The following BCO1 variants were observed in gnomAD, a reference collection of about 807,000 sequenced individuals.
BCO1 encodes the protein beta-carotene oxygenase 1.
BCO1 carries 54 observed loss-of-function variants against 56.3 expected under a neutral mutation model. The observed-to-expected ratio is 0.96, with a 90% CI of 0.77 to 1.20. The LOEUF is 1.20. BCO1 is among the 50% of genes most tolerant of loss of function. The probability of loss-of-function intolerance (pLI) is 0.00; values close to 1 mark genes in which losing one functional copy is unlikely to be tolerated. For synonymous variants in BCO1, 318 were observed against 266.1 expected (o/e 1.20, Z -1.90); for missense variants, 801 against 690.9 (o/e 1.16, Z -1.79).
At chr16:81,249,535 T>C (rs995230318) in intron 2 of BCO1, among the ~76,000 whole-genome samples, 10 of 151,854 alleles carry the variant, frequency 6.6e-5, no homozygotes, top group Non-Finnish European at 1.0e-4. Flanking sequence ...GGATTACAGG[T>C]GTGAGCCACT....
intron 7 of BCO1, among the ~76,000 whole-genome samples, chr16:81,274,018 C>A (rs2150630249): frequency 6.6e-6 from 1 of 152,302 alleles, no homozygotes. Context: ...GGCGCCTGCA[C>A]CCCTTGCTCC....
At chr16:81,244,602 A>C (rs1313459029) in intron 1 of BCO1, among the ~76,000 whole-genome samples, 1 of 151,646 alleles carries the variant, frequency 6.6e-6, no homozygotes, top group Admixed American at 6.6e-5. Context: ...CTCCCTCAAG[A>C]CTTAGCCAGG....
intron 4 of BCO1, 87 bp downstream of exon 4, chr16:81,262,370 A>C (rs1906542907): frequency 6.8e-7 from 1 of 1,464,812 alleles, no homozygotes; most frequent in Non-Finnish European, 9.5e-7. Flanking sequence ...TCAGCCTGCA[A>C]GCAGCTTACC....
chr16:81,256,204 T>G (rs1906127541), intron 2 of BCO1, among the ~76,000 whole-genome samples: 1 of 150,934 alleles, frequency 6.6e-6, no homozygotes. Context: ...ATAACACACA[T>G]CAAGTGCCCA....
At chr16:81,255,310 G>T (rs1236679945) in intron 2 of BCO1, among the ~76,000 whole-genome samples, 2 of 152,152 alleles carry the variant, frequency 1.3e-5, no homozygotes, top group Non-Finnish European at 2.9e-5. Flanking sequence ...CCACTCGCTA[G>T]CTGTGTGGCT....
chr16:81,279,361 A>G (rs7194812), intron 7 of BCO1, among the ~76,000 whole-genome samples: 40,731 of 152,088 alleles, frequency 0.27, 5,881 homozygotes, highest in Middle Eastern at 0.39. Context: ...ATAATGTTCC[A>G]TCCTCTTGTT....
At chr16:81,268,169 C>G (rs772698253) in intron 6 of BCO1, 38 bp downstream of exon 6, 1 of 1,573,692 alleles carries the variant, frequency 6.4e-7, no homozygotes, top group Non-Finnish European at 8.7e-7. Flanking sequence ...TGGGTGCTGG[C>G]TGACCATGGA....
chr16:81,272,984 GT>G (rs1213512882), intron 7 of BCO1, among the ~76,000 whole-genome samples: 1 of 151,000 alleles, frequency 6.6e-6, no homozygotes, highest in Non-Finnish European at 1.5e-5. Flanking sequence ...TTTTCTTTTT[GT>G]GGGGGATGGA....
rs1029390527 is a variant in BCO1, at chr16:81,268,022, A to C, written c.734A>C (p.Tyr245Ser). 6.2e-7 allele frequency: 1 copy of C among 1,613,794 alleles called. No individual in the cohort carries two copies. The highest frequency in any genetic ancestry group is 1.3e-5 in the African/African-American group (1 of 74,968). ...CACAGCTTTGGAGTCACCGAGAACT[A>C]TGTCATCTTCCTTGAGCAGCCTTTC... ...YYHSFGVTEN[Y>S]VIFLEQPFRL... The change falls in exon 6 of 11, where the codon TAT becomes TCT. Residue 245 changes from tyrosine (Y) to serine (S), a missense_variant. Tyr to Ser is a moderately radical substitution (Grantham distance 144, BLOSUM62 -2). Transcript: ENST00000258168.
intron 7 of BCO1, among the ~76,000 whole-genome samples, chr16:81,279,240 C>T (rs1907727560): frequency 6.6e-6 from 1 of 152,188 alleles, no homozygotes. Flanking sequence ...CATCACACTA[C>T]TGTACTCCAG....
chr16:81,290,441 C>CCT lies in BCO1; in HGVS notation c.1511_1512dup (p.Val505LeufsTer43). The CCT allele has an allele frequency of 1.9e-6, 3 of 1,614,168 alleles. No individual in the cohort carries two copies. The highest frequency in any genetic ancestry group is 2.5e-6 in the Non-Finnish European group (3 of 1,180,030). ...AAAAGCTTTACGGAATTGGCCCGTG[C>CCT]CTCTGTTGATGTCGATATGCACATG... On this transcript the variant is annotated frameshift_variant, in exon 11 of 11. Coordinates refer to ENST00000258168, the MANE Select transcript of BCO1 (RefSeq NM_017429.3). LOFTEE classifies it low-confidence loss of function (END_TRUNC).
At chr16:81,267,197 G>A (rs1172430072) in intron 5 of BCO1, among the ~76,000 whole-genome samples, 2 of 152,166 alleles carry the variant, frequency 1.3e-5, no homozygotes, top group South Asian at 2.1e-4. Context: ...GAAGGGGGCT[G>A]TGTTTTCTTG....
At chr16:81,245,650 C>T (rs1905361828) in intron 2 of BCO1, 47 bp downstream of exon 2, 1 of 1,612,438 alleles carries the variant, frequency 6.2e-7, no homozygotes, top group Non-Finnish European at 8.5e-7. Flanking sequence ...CAAAGGACCC[C>T]AAATGCAGTG....
chr16:81,259,421 GA>G (rs1906341958), intron 2 of BCO1, among the ~76,000 whole-genome samples: 1 of 152,076 alleles, frequency 6.6e-6, no homozygotes, highest in Non-Finnish European at 1.5e-5. Flanking sequence ...TTGAACCCAG[GA>G]GGCGGAGGTT....
chr16:81,284,798 C>A (rs907976505), intron 8 of BCO1, among the ~76,000 whole-genome samples: 2 of 148,470 alleles, frequency 1.3e-5, no homozygotes, highest in Non-Finnish European at 3.0e-5. Flanking sequence ...CTTCCTATTT[C>A]TTTTCTTTTT....
intron 7 of BCO1, among the ~76,000 whole-genome samples, chr16:81,272,342 C>T (rs904027748): frequency 8.6e-5 from 13 of 150,732 alleles, no homozygotes; most frequent in South Asian, 2.1e-4. Flanking sequence ...ATGGTCTCAA[C>T]CTCCTGACCT....
At chr16:81,239,903 G>A (rs113761730) in intron 1 of BCO1, among the ~76,000 whole-genome samples, 1 of 152,178 alleles carries the variant, frequency 6.6e-6, no homozygotes, top group East Asian at 1.9e-4. Flanking sequence ...AGTGGTGCTC[G>A]CTCAGTTTTA....
chr16:81,289,817 C>T (rs758805189), intron 10 of BCO1, among the ~76,000 whole-genome samples: 9 of 152,200 alleles, frequency 5.9e-5, no homozygotes, highest in Non-Finnish European at 1.0e-4. Flanking sequence ...GGTCAAGGGA[C>T]TGGCCCAGCC....
chr16:81,249,069 G>A (rs1002400569), intron 2 of BCO1, among the ~76,000 whole-genome samples: 2 of 149,926 alleles, frequency 1.3e-5, no homozygotes, highest in Non-Finnish European at 1.5e-5. Flanking sequence ...CAGGCTGCCA[G>A]CTCCTCCATG....
Sources: allele counts gnomAD v4.1 joint callset (sites outside exome capture counted in the v4.1 genomes callset), GRCh38; gene constraint gnomAD v4.1.1; transcripts MANE v1.5; gene names NCBI Gene and HGNC (gene_info 2026-07-23, HGNC 2026-07-21).